The following DCDC1 variants were observed in gnomAD, a reference collection of about 807,000 sequenced individuals.
The protein encoded by DCDC1 is doublecortin domain-containing protein 1.
A neutral mutation model predicts 178.3 loss-of-function variants in DCDC1; 200 were observed. The observed-to-expected ratio is 1.12, with a 90% CI of 1.00 to 1.26. DCDC1 has a LOEUF of 1.26. Among genes scored for constraint, DCDC1 ranks in the 50% most tolerant of loss-of-function variants. The pLI, the probability that DCDC1 is intolerant of heterozygous loss-of-function variation, is 0.00. For synonymous variants in DCDC1, 690 were observed against 604.8 expected, an observed-to-expected ratio of 1.14 and a Z score of -2.07; for missense variants, 1,983 against 1,749.2, an observed-to-expected ratio of 1.13 and a Z score of -2.38.
intron 38 of DCDC1, among the ~76,000 whole-genome samples, chr11:30,866,813 C>T (rs923479342): frequency 3.9e-5 from 6 of 152,066 alleles, no homozygotes; most frequent in African/African-American, 1.4e-4. Flanking sequence ...ACTGACTCCC[C>T]AATGCAACAA....
intron 16 of DCDC1, among the ~76,000 whole-genome samples, chr11:31,092,650 G>T (rs621549): frequency 0.49 from 74,274 of 152,022 alleles, 18,402 homozygotes; most frequent in Middle Eastern, 0.58. Context: ...TTTTTGAGGA[G>T]ATTTTAGACA....
intron 2 of DCDC1, among the ~76,000 whole-genome samples, chr11:31,334,699 T>C (rs760373916): frequency 6.6e-6 from 1 of 152,146 alleles, no homozygotes; most frequent in Non-Finnish European, 1.5e-5. Flanking sequence ...TTTGCCTGGG[T>C]ATCACCAGCA....
rs1046441467 is a variant in DCDC1 at position 31,305,497 on chromosome 11, C to T, written c.754+118G>A. 51 of 1,319,076 alleles carry T rather than the reference C, an allele frequency of 3.9e-5. 2 individuals are homozygous for T. In the Admixed American group the frequency reaches 8.5e-4, roughly 22 times the overall value. 81.7% of individuals were successfully genotyped at this position (1,319,076 alleles called of 1,614,324 possible). On this transcript the variant is annotated intron_variant, in intron 6 of 38. Coordinates refer to ENST00000684477, the MANE Select transcript of DCDC1 (RefSeq NM_001387274.1). Reference sequence around the variant, plus strand: ...TTATCCTCTTACTGAGCTGTAAATGCGTAAACATTAGTTTTGTTAAACCAT... The same window carrying T: ...TTATCCTCTTACTGAGCTGTAAATGTGTAAACATTAGTTTTGTTAAACCAT...
chr11:31,369,417 A>G (rs939234898), intron 1 of DCDC1, among the ~76,000 whole-genome samples: 5 of 152,172 alleles, frequency 3.3e-5, no homozygotes, highest in African/African-American at 1.2e-4. Flanking sequence ...AGAACATTGT[A>G]AAGGAACTGT....
At chr11:31,345,274 G>A (rs1018490294) in intron 1 of DCDC1, among the ~76,000 whole-genome samples, 9 of 152,050 alleles carry the variant, frequency 5.9e-5, no homozygotes, top group South Asian at 2.1e-4. Flanking sequence ...TGGAATAAAC[G>A]TAAGTTTAAG....
chr11:31,042,579 TTTG>T (rs1954535186), intron 20 of DCDC1, among the ~76,000 whole-genome samples: 2 of 152,086 alleles, frequency 1.3e-5, no homozygotes, highest in Non-Finnish European at 2.9e-5. Flanking sequence ...CTATCCAAGG[TTTG>T]TTGTTGTTTT....
Position 30,911,320 on chromosome 11 carries a change from A to G in DCDC1, c.3747+7T>C, listed in dbSNP as rs1356950388. 4 of 1,594,560 alleles carry G rather than the reference A, an allele frequency of 2.5e-6. No individual in the cohort carries two copies. The South Asian group carries it at 3.4e-5, about 14-fold the overall frequency. ...CCATGACTAATCTTTAGCCATACATATCTTACCTGAACAATAACTGGATAG... is the reference window on the plus strand; with the variant it reads ...CCATGACTAATCTTTAGCCATACATGTCTTACCTGAACAATAACTGGATAG... On this transcript the variant is annotated splice_region_variant and intron_variant, in intron 28 of 38. Coordinates refer to ENST00000684477, the MANE Select transcript of DCDC1 (RefSeq NM_001387274.1).
At chr11:31,298,331 G>T (rs1947852416) in intron 6 of DCDC1, among the ~76,000 whole-genome samples, 1 of 152,148 alleles carries the variant, frequency 6.6e-6, no homozygotes, top group Non-Finnish European at 1.5e-5. Context: ...ACACCTGGTG[G>T]TTTTCAAAGC....
At chr11:30,923,399 TC>T (rs1214307986) in intron 23 of DCDC1, among the ~76,000 whole-genome samples, 1 of 94,044 alleles carries the variant, frequency 1.1e-5, no homozygotes, top group Non-Finnish European at 2.3e-5. Flanking sequence ...TTTCCTCTTC[TC>T]CTTTTTTTTT....
intron 9 of DCDC1, among the ~76,000 whole-genome samples, chr11:31,200,909 T>C (rs910470932): frequency 1.5e-4 from 23 of 151,896 alleles, no homozygotes; most frequent in Non-Finnish European, 1.5e-5. Flanking sequence ...CAGAAATATA[T>C]GATCCCTAGC....
At chr11:31,098,548 T>C (rs762759947) in intron 15 of DCDC1, among the ~76,000 whole-genome samples, 4 of 152,226 alleles carry the variant, frequency 2.6e-5, no homozygotes, top group Non-Finnish European at 5.9e-5. Context: ...CTGATATCTC[T>C]ATCTCAAGCC....
In DCDC1 at chr11:30,921,014, A is replaced by G. The variant is rs1017710235; in HGVS notation, c.3134-79T>C. ...CAGGAATTTAAAAACACACACTAAA[A>G]TACAAATGCAAAATAATTCCATCTA... On this transcript the variant is annotated intron_variant, in intron 24 of 38. Transcript: ENST00000684477. The G allele has an allele frequency of 3.5e-6, 5 of 1,410,678 alleles. No homozygotes were observed. In the African/African-American group the frequency reaches 7.2e-5, roughly 20 times the overall value. 87.4% of individuals were successfully genotyped at this position (1,410,678 alleles called of 1,614,324 possible).
chr11:30,897,868 G>A (rs1290771576), intron 34 of DCDC1, among the ~76,000 whole-genome samples: 1 of 152,132 alleles, frequency 6.6e-6, no homozygotes, highest in Admixed American at 6.5e-5. Flanking sequence ...ATAATGTGAT[G>A]ATGACTATTG....
At chr11:30,871,700 T>C (rs898658040) in intron 38 of DCDC1, among the ~76,000 whole-genome samples, 1 of 152,084 alleles carries the variant, frequency 6.6e-6, no homozygotes, top group African/African-American at 2.4e-5. Flanking sequence ...TTAATTAACA[T>C]GGAGAGCTTC....
chr11:30,935,710 C>T (rs1252899649), intron 21 of DCDC1, among the ~76,000 whole-genome samples: 19 of 152,194 alleles, frequency 1.2e-4, no homozygotes, highest in Middle Eastern at 3.4e-3. Flanking sequence ...AGTGCTACCA[C>T]GCCCAGCTAT....
At chr11:30,897,760 T>TA (rs1284308493) in intron 34 of DCDC1, among the ~76,000 whole-genome samples, 1 of 152,164 alleles carries the variant, frequency 6.6e-6, no homozygotes, top group Non-Finnish European at 1.5e-5. Flanking sequence ...ATTTATTCTT[T>TA]AAATCAGTCA....
chr11:30,977,954 T>C (rs1344113510), intron 20 of DCDC1, among the ~76,000 whole-genome samples: 2 of 152,124 alleles, frequency 1.3e-5, no homozygotes, highest in Admixed American at 6.6e-5. Flanking sequence ...CAGTAAGAAA[T>C]GTAATTGCTA....
At chr11:31,310,711 G>A (rs930812453) in intron 3 of DCDC1, among the ~76,000 whole-genome samples, 1 of 152,094 alleles carries the variant, frequency 6.6e-6, no homozygotes, top group Non-Finnish European at 1.5e-5. Flanking sequence ...CCCTTGCAAA[G>A]CCAACTTGTC....
At chr11:31,279,923 AT>A (rs1011559265) in intron 7 of DCDC1, among the ~76,000 whole-genome samples, 5 of 152,032 alleles carry the variant, frequency 3.3e-5, no homozygotes, top group Non-Finnish European at 7.4e-5. Context: ...ATTATCTGTA[AT>A]TTTTTATTCT....
Sources: gnomAD v4.1 joint callset for allele counts (sites outside exome capture counted in the v4.1 genomes callset) on GRCh38, gnomAD v4.1.1 for gene constraint, MANE v1.5 for transcripts, NCBI Gene and HGNC (gene_info 2026-07-23, HGNC 2026-07-21) for gene names.